SUPT3H: variants seen among roughly 807,000 people sequenced by gnomAD.
The protein encoded by SUPT3H is transcription initiation protein SPT3 homolog.
Under a neutral mutation model 44.3 loss-of-function variants are expected in SUPT3H, and 44 were observed. The observed-to-expected ratio is 0.99, with a 90% CI of 0.78 to 1.28. The LOEUF is 1.28. SUPT3H is among the 50% of genes most tolerant of loss of function. The pLI, the probability that SUPT3H is intolerant of heterozygous loss-of-function variation, is 0.00. For synonymous variants in SUPT3H, 124 were observed against 125.6 expected, an observed-to-expected ratio of 0.99 and a Z score of 0.09; for missense variants, 380 against 387.1, an observed-to-expected ratio of 0.98 and a Z score of 0.15.
intron 10 of SUPT3H, among the ~76,000 whole-genome samples, chr6:44,878,600 T>G (rs1777683214): frequency 6.6e-6 from 1 of 152,128 alleles, no homozygotes; most frequent in Non-Finnish European, 1.5e-5. Context: ...CGTAGTAATA[T>G]AAAATGGTAT....
At chr6:45,155,518 T>C (rs891020166) in intron 2 of SUPT3H, among the ~76,000 whole-genome samples, 12 of 152,184 alleles carry the variant, frequency 7.9e-5, no homozygotes, top group Non-Finnish European at 1.5e-4. Flanking sequence ...GTTACTTCTG[T>C]GTAAACCCTC....
chr6:45,328,902 TC>T, intron 2 of SUPT3H: 5 of 1,046,174 alleles, frequency 4.8e-6, no homozygotes, highest in Non-Finnish European at 7.3e-6. Context: ...AATTATGCTA[TC>T]TTGTTGCATT....
chr6:44,869,361 C>T (rs1011037753), intron 10 of SUPT3H, among the ~76,000 whole-genome samples: 3 of 152,154 alleles, frequency 2.0e-5, no homozygotes, highest in Non-Finnish European at 4.4e-5. Context: ...AATAGCCATG[C>T]ATGCTGCTAA....
intron 2 of SUPT3H, among the ~76,000 whole-genome samples, chr6:45,106,882 A>G (rs906419425): frequency 2.6e-5 from 4 of 152,322 alleles, no homozygotes; most frequent in Middle Eastern, 3.4e-3. Flanking sequence ...AATGCAAAAT[A>G]CTAACAACTA....
At chr6:45,100,242 A>T (rs936020277) in intron 3 of SUPT3H, among the ~76,000 whole-genome samples, 1 of 152,140 alleles carries the variant, frequency 6.6e-6, no homozygotes, top group Non-Finnish European at 1.5e-5. Flanking sequence ...GACAAATGGA[A>T]TTATATTAAA....
chr6:45,342,778 A>AAAAAATAC (rs1790074155), intron 2 of SUPT3H, among the ~76,000 whole-genome samples: 1 of 152,188 alleles, frequency 6.6e-6, no homozygotes, highest in Non-Finnish European at 1.5e-5. Flanking sequence ...AACCCATACA[A>AAAAAATAC]AAAAATACAT....
chr6:45,132,167 G>A (rs1803569310), intron 2 of SUPT3H, among the ~76,000 whole-genome samples: 1 of 152,038 alleles, frequency 6.6e-6, no homozygotes, highest in African/African-American at 2.4e-5. Flanking sequence ...AATAAGAGGA[G>A]GACTACTATA....
At chr6:45,332,935 G>GC (rs1386817942) in intron 2 of SUPT3H, among the ~76,000 whole-genome samples, 1 of 151,550 alleles carries the variant, frequency 6.6e-6, no homozygotes, top group Non-Finnish European at 1.5e-5. Flanking sequence ...AATGAACGCT[G>GC]CAACTTCCAC....
At chr6:45,047,722 G>GT (rs1422164095) in intron 3 of SUPT3H, among the ~76,000 whole-genome samples, 1 of 151,984 alleles carries the variant, frequency 6.6e-6, no homozygotes, top group Non-Finnish European at 1.5e-5. Flanking sequence ...AGTGTGCAAA[G>GT]GTTCTCTTTT....
chr6:45,241,559 G>C (rs979036285), intron 2 of SUPT3H, among the ~76,000 whole-genome samples: 6 of 152,048 alleles, frequency 3.9e-5, no homozygotes, highest in African/African-American at 1.5e-4. Flanking sequence ...ATAAATATGT[G>C]GGTAAATCTC....
intron 2 of SUPT3H, among the ~76,000 whole-genome samples, chr6:45,208,420 T>C (rs904499011): frequency 4.6e-5 from 7 of 152,136 alleles, no homozygotes; most frequent in East Asian, 1.9e-4. Flanking sequence ...CTGATGAAGA[T>C]GGCTATACAA....
chr6:45,078,083 G>C (rs1254214996), intron 3 of SUPT3H, among the ~76,000 whole-genome samples: 1 of 152,158 alleles, frequency 6.6e-6, no homozygotes, highest in Non-Finnish European at 1.5e-5. Flanking sequence ...ATGTTGGCCA[G>C]ACTGGTCTTG....
intron 3 of SUPT3H, chr6:45,098,766 C>A: frequency 2.0e-6 from 1 of 488,456 alleles, no homozygotes; most frequent in East Asian, 5.6e-5. Context: ...TCATCACTAC[C>A]AGTTTGGAGA....
At chr6:45,329,758 T>G (rs1787083236) in intron 2 of SUPT3H, among the ~76,000 whole-genome samples, 1 of 151,966 alleles carries the variant, frequency 6.6e-6, no homozygotes, top group Admixed American at 6.6e-5. Context: ...CAAGTTACTG[T>G]TGATACAGAT....
intron 2 of SUPT3H, among the ~76,000 whole-genome samples, chr6:45,276,054 CCAGAAACAGCTTTT>C (rs1358122445): frequency 6.6e-6 from 1 of 151,836 alleles, no homozygotes; most frequent in African/African-American, 2.4e-5. Context: ...TTATTTTCCC[CCAGAAACAGCTTTT>C]CATAAAACAA....
chr6:45,331,301 A>G (rs1787461780), intron 2 of SUPT3H, among the ~76,000 whole-genome samples: 1 of 152,068 alleles, frequency 6.6e-6, no homozygotes, highest in Admixed American at 6.6e-5. Flanking sequence ...GTATCTTAAA[A>G]TTAATGACTC....
At chr6:45,063,471 C>G (rs1387160875) in intron 3 of SUPT3H, among the ~76,000 whole-genome samples, 2 of 146,388 alleles carry the variant, frequency 1.4e-5, no homozygotes, top group East Asian at 2.0e-4. Flanking sequence ...ATGACTTTGA[C>G]GAGCTGAGAG....
chr6:44,982,751 AAGAC>A (rs1182309253), intron 6 of SUPT3H, among the ~76,000 whole-genome samples: 2 of 152,236 alleles, frequency 1.3e-5, no homozygotes, highest in African/African-American at 2.4e-5. Flanking sequence ...GTGATAATGA[AAGAC>A]AGACTATGGC....
intron 6 of SUPT3H, among the ~76,000 whole-genome samples, chr6:45,003,107 T>C (rs1782221598): frequency 6.6e-6 from 1 of 152,150 alleles, no homozygotes. Context: ...AGAAGACATA[T>C]AATTTTCAAA....
Sources: gnomAD v4.1 joint callset for allele counts (sites outside exome capture counted in the v4.1 genomes callset) on GRCh38, gnomAD v4.1.1 for gene constraint, MANE v1.5 for transcripts, NCBI Gene and HGNC (gene_info 2026-07-23, HGNC 2026-07-21) for gene names.